The following CRIPT variants were observed in gnomAD, a reference collection of about 807,000 sequenced individuals.
The protein encoded by CRIPT is cysteine-rich PDZ-binding protein.
A neutral mutation model predicts 16.6 loss-of-function variants in CRIPT; 20 were observed. The observed-to-expected ratio is 1.20, with a 90% CI of 0.85 to 1.75. CRIPT has a LOEUF of 1.75. Among genes scored for constraint, CRIPT ranks in the 40% most tolerant of loss-of-function variants. The probability of loss-of-function intolerance (pLI) is 0.00; values close to 1 mark genes in which losing one functional copy is unlikely to be tolerated. For synonymous variants in CRIPT, 42 were observed against 37.0 expected (o/e 1.14, Z -0.49); for missense variants, 133 against 115.3 (o/e 1.15, Z -0.70).
At chr2:46,618,263 T>C (rs1027451892) in intron 1 of CRIPT, among the ~76,000 whole-genome samples, 1 of 151,472 alleles carries the variant, frequency 6.6e-6, no homozygotes, top group African/African-American at 2.4e-5. Context: ...ATCCCTCTGA[T>C]AATCTGATGA....
chr2:46,617,867 C>T (rs1670703956), intron 1 of CRIPT, among the ~76,000 whole-genome samples: 1 of 151,984 alleles, frequency 6.6e-6, no homozygotes, highest in Non-Finnish European at 1.5e-5. Flanking sequence ...TATTTGGAAC[C>T]TGGCGTTCAG....
chr2:46,622,357 G>A (rs1670831477), intron 3 of CRIPT, among the ~76,000 whole-genome samples: 1 of 146,452 alleles, frequency 6.8e-6, no homozygotes, highest in Admixed American at 6.9e-5. Context: ...GCGACAGAGC[G>A]AGACTCCGTC....
intron 1 of CRIPT, 152 bp from the exon 2 acceptor site, chr2:46,618,621 A>G (rs566374772): frequency 2.3e-5 from 11 of 477,724 alleles, no homozygotes; most frequent in Non-Finnish European, 3.8e-5. Context: ...CACAGTTAAT[A>G]TGAGTCTCAG....
In CRIPT at chr2:46,623,748, T is replaced by A. The variant is rs896565175; in HGVS notation, c.138-16T>A. 6 of 1,492,456 alleles carry A rather than the reference T, an allele frequency of 4.0e-6. No individual in the cohort carries two copies. The highest frequency in any genetic ancestry group is 5.6e-6 in the Non-Finnish European group (6 of 1,079,250). The allele number at this position is 1,492,456 out of a possible 1,614,324, so 92.5% of individuals were successfully genotyped here. On this transcript the variant is annotated splice_polypyrimidine_tract_variant and intron_variant, in intron 3 of 4. Coordinates refer to ENST00000238892, the MANE Select transcript of CRIPT (RefSeq NM_014171.6). ...AGTGTAATATACAATTTTCTCTCTT[T>A]AAAAAAAATTTCTAGATTTGATCCA...
rs1481001909 is a variant in CRIPT, at chr2:46,627,995, T to C, written c.*3768T>C. ...TTTTTATATCTGTACCATGCTGTTTTGGTTACTGTAGCTTCCTTATAGTAT... is the reference window on the plus strand; with the variant it reads ...TTTTTATATCTGTACCATGCTGTTTCGGTTACTGTAGCTTCCTTATAGTAT... On this transcript the variant is annotated 3_prime_UTR_variant, in exon 5 of 5. Coordinates refer to ENST00000238892, the MANE Select transcript of CRIPT (RefSeq NM_014171.6). Among the ~76,000 whole-genome samples the C allele has an allele frequency of 2.0e-5, 3 of 152,216 alleles. No individual in the cohort carries two copies.
At chr2:46,623,071 T>C (rs914175046) in intron 3 of CRIPT, among the ~76,000 whole-genome samples, 1 of 152,134 alleles carries the variant, frequency 6.6e-6, no homozygotes, top group Non-Finnish European at 1.5e-5. Flanking sequence ...GGAAGCCCTT[T>C]TATCTAAAAG....
At position 46,629,619 on chromosome 2, in the gene CRIPT, A is replaced by G. The variant is rs776706651; in HGVS notation, c.*5392A>G. ...ATTTGGGTTTTTCTGATGTTTCCTCATGGTTAGATTGGGGTAGTGCAGTGA... is the reference window on the plus strand; with the variant it reads ...ATTTGGGTTTTTCTGATGTTTCCTCGTGGTTAGATTGGGGTAGTGCAGTGA... On this transcript the variant is annotated 3_prime_UTR_variant, in exon 5 of 5. Coordinates refer to ENST00000238892, the MANE Select transcript of CRIPT (RefSeq NM_014171.6). 3.3e-5 allele frequency among the ~76,000 whole-genome samples: 5 copies of G among 152,120 alleles called. No individual in the cohort carries two copies. The highest frequency in any genetic ancestry group is 5.9e-5 in the Non-Finnish European group (4 of 68,010).
At position 46,628,490 on chromosome 2, in the gene CRIPT, T is replaced by C. The variant is rs1415729002; in HGVS notation, c.*4263T>C. Among the ~76,000 whole-genome samples, 1 of 152,240 alleles carries C rather than the reference T, an allele frequency of 6.6e-6. No homozygotes were observed. Among genetic ancestry groups the C allele is most frequent in the Non-Finnish European group, 1.5e-5 (1 of 68,032 alleles). On this transcript the variant is annotated 3_prime_UTR_variant, in exon 5 of 5. Coordinates refer to ENST00000238892, the MANE Select transcript of CRIPT (RefSeq NM_014171.6). Reference sequence around the variant, plus strand: ...AATCTGTGGATTGCTTTGGGCAGTATGGCCATTTTAATGATATTGATTCTT... The same window carrying C: ...AATCTGTGGATTGCTTTGGGCAGTACGGCCATTTTAATGATATTGATTCTT...
At chr2:46,623,322 A>T (rs1351830178) in intron 3 of CRIPT, among the ~76,000 whole-genome samples, 1 of 152,158 alleles carries the variant, frequency 6.6e-6, no homozygotes. Context: ...GTGTGGAGTT[A>T]CTTTCCTAGT....
In CRIPT at chr2:46,628,906, A is replaced by T. The variant is rs1671008180; in HGVS notation, c.*4679A>T. 6.6e-6 allele frequency among the ~76,000 whole-genome samples: 1 copy of T among 152,272 alleles called. No individual in the cohort carries two copies. Among genetic ancestry groups the T allele is most frequent in the African/African-American group, 2.4e-5 (1 of 41,478 alleles). The stretch of plus-strand genomic sequence containing the variant: ...CCAGAGTTGAAAAATGCAGAAAAAA[A>T]GTTTAAAAACAAGGAATTAAAGCCA... On this transcript the variant is annotated 3_prime_UTR_variant, in exon 5 of 5. Transcript: ENST00000238892.
At chr2:46,621,934 C>T (rs1383040017) in intron 3 of CRIPT, among the ~76,000 whole-genome samples, 1 of 152,320 alleles carries the variant, frequency 6.6e-6, no homozygotes, top group East Asian at 1.9e-4. Context: ...CTCAAACTTA[C>T]TCTGATATCA....
In CRIPT at chr2:46,625,341, G is replaced by A. The variant is rs910071438; in HGVS notation, c.*1114G>A. On this transcript the variant is annotated 3_prime_UTR_variant, in exon 5 of 5. Transcript: ENST00000238892. ...TGGCCTCAGCCTTCCGAAGTGCTGG[G>A]ATACAGGTGTGAGCCACAGAACTTG... 3.3e-5 allele frequency: 5 copies of A among 149,646 alleles called. No homozygotes were observed. The highest frequency in any genetic ancestry group is 9.8e-5 in the African/African-American group (4 of 40,816). The allele number at this position is 149,646 out of a possible 1,614,324, so 9.3% of individuals were successfully genotyped here.
rs1481227330 is a variant in CRIPT, at chr2:46,627,060, T to A, written c.*2833T>A. On this transcript the variant is annotated 3_prime_UTR_variant, in exon 5 of 5. Coordinates refer to ENST00000238892, the MANE Select transcript of CRIPT (RefSeq NM_014171.6). ...GTTGGCCAGCCTGGTCTCGAATTCC[T>A]GACCTCAGGTGATCCACCCATCTCA... Among the ~76,000 whole-genome samples, 1 of 152,206 alleles carries A rather than the reference T, an allele frequency of 6.6e-6. No homozygotes were observed. The highest frequency in any genetic ancestry group is 1.9e-4 in the East Asian group (1 of 5,198).
intron 3 of CRIPT, among the ~76,000 whole-genome samples, chr2:46,623,219 C>A (rs572960107): frequency 6.6e-6 from 1 of 152,024 alleles, no homozygotes; most frequent in African/African-American, 2.4e-5. Flanking sequence ...GAGCATAAAT[C>A]GACTGATAAG....
rs1347571994 is a variant in CRIPT at position 46,627,024 on chromosome 2, G to C, written c.*2797G>C. 6.6e-6 allele frequency among the ~76,000 whole-genome samples: 1 copy of C among 152,032 alleles called. No homozygotes were observed. Among genetic ancestry groups the C allele is most frequent in the Admixed American group, 6.6e-5 (1 of 15,264 alleles). On this transcript the variant is annotated 3_prime_UTR_variant, in exon 5 of 5. Transcript: ENST00000238892. ...ATTTTGGTACTTTTAGTAGAGACAGGGTTTCACCATGTTGGCCAGCCTGGT... is the reference window on the plus strand; with the variant it reads ...ATTTTGGTACTTTTAGTAGAGACAGCGTTTCACCATGTTGGCCAGCCTGGT...
At chr2:46,617,582 G>T (rs567652396) in intron 1 of CRIPT, among the ~76,000 whole-genome samples, 71 of 152,264 alleles carry the variant, frequency 4.7e-4, no homozygotes, top group Non-Finnish European at 5.1e-4. Flanking sequence ...AAAATGTGCA[G>T]TTAAACCCCA....
rs1407078644 is a variant in CRIPT at position 46,628,611 on chromosome 2, T to G, written c.*4384T>G. On this transcript the variant is annotated 3_prime_UTR_variant, in exon 5 of 5. Coordinates refer to ENST00000238892, the MANE Select transcript of CRIPT (RefSeq NM_014171.6). ...GTTCTTGTCCAGCTCACATTTTATC[T>G]TCATACTTTGAGTAGCCTCCTTCCA... Among the ~76,000 whole-genome samples the G allele has an allele frequency of 6.6e-6, 1 of 152,258 alleles. No homozygotes were observed. Among genetic ancestry groups the G allele is most frequent in the Non-Finnish European group, 1.5e-5 (1 of 68,048 alleles).
In CRIPT at chr2:46,623,884, A is replaced by G. The variant is rs1382665353; in HGVS notation, c.241+17A>G. 6.5e-7 allele frequency: 1 copy of G among 1,531,420 alleles called. No homozygotes were observed. The highest frequency in any genetic ancestry group is 1.2e-5 in the South Asian group (1 of 85,712). 94.9% of individuals were successfully genotyped at this position (1,531,420 alleles called of 1,614,324 possible). A position where few individuals can be genotyped will look rare whatever the true frequency, so the allele number is the denominator to read the frequency against. On this transcript the variant is annotated intron_variant, in intron 4 of 4. Transcript: ENST00000238892. ...ACAAAAAAGGTAAGTTTCTTTTAAT[A>G]CCGTTTTCTATTCATAAAACCGACT...
rs928197639 is a variant in CRIPT, at chr2:46,629,391, T to C, written c.*5164T>C. On this transcript the variant is annotated 3_prime_UTR_variant, in exon 5 of 5. Coordinates refer to ENST00000238892, the MANE Select transcript of CRIPT (RefSeq NM_014171.6). ...AGCTATCAAGTTCAGAAATTTAACA[T>C]TGCCATAATACTTTACAGTCCATAT... 2.0e-5 allele frequency among the ~76,000 whole-genome samples: 3 copies of C among 152,222 alleles called. No individual in the cohort carries two copies. Among genetic ancestry groups the C allele is most frequent in the Non-Finnish European group, 4.4e-5 (3 of 68,028 alleles).
Sources: gnomAD v4.1 joint callset for allele counts (sites outside exome capture counted in the v4.1 genomes callset) on GRCh38, gnomAD v4.1.1 for gene constraint, MANE v1.5 for transcripts, NCBI Gene and HGNC (gene_info 2026-07-23, HGNC 2026-07-21) for gene names.